Variants in PRKG1 observed in about 807,000 individuals in gnomAD.
PRKG1 encodes protein kinase cGMP-dependent 1.
In PRKG1, 35 loss-of-function variants were observed where a neutral mutation model predicts 88.1. The observed-to-expected ratio is 0.40, with a 90% confidence interval of 0.30 to 0.53. PRKG1 has a LOEUF of 0.53. PRKG1 is among the 20% of genes least tolerant of loss of function. The probability of loss-of-function intolerance (pLI) is 0.59; values close to 1 mark genes in which losing one functional copy is unlikely to be tolerated. For missense variants in PRKG1, 540 were observed against 839.8 expected (o/e 0.64, Z 4.41); for synonymous variants, 303 against 292.5 (o/e 1.04, Z -0.37).
At chr10:52,090,246 G>T (rs1589598085) in intron 7 of PRKG1, among the ~76,000 whole-genome samples, 1 of 151,974 alleles carries the variant, frequency 6.6e-6, no homozygotes, top group African/African-American at 2.4e-5. Flanking sequence ...AGGAAGGAAT[G>T]ATTTTTTTTT....
rs547722547 is a variant in PRKG1 at position 51,136,052 on chromosome 10, A to G, written c.312-17112A>G. The stretch of plus-strand genomic sequence containing the variant: ...TTAATGGGTGCAGCACACCAGCATG[A>G]CACATGTATACATATGTAACTAACC... On this transcript the variant is annotated intron_variant, in intron 1 of 17. Coordinates refer to ENST00000373980, the MANE Select transcript of PRKG1 (RefSeq NM_006258.4). Among the ~76,000 whole-genome samples the G allele has an allele frequency of 2.4e-3, 371 of 151,836 alleles. 3 individuals are homozygous for G. The highest frequency in any genetic ancestry group is 8.5e-3 in the African/African-American group (352 of 41,368).
intron 3 of PRKG1, among the ~76,000 whole-genome samples, chr10:51,615,407 T>C (rs2132252028): frequency 6.6e-6 from 1 of 152,300 alleles, no homozygotes; most frequent in South Asian, 2.1e-4. Context: ...TTTTCTATTA[T>C]TTGAGTAATT....
rs536906267 is a variant in PRKG1 at position 51,596,700 on chromosome 10, C to T, written c.592+128864C>T. ...GCTTTTTGGAACAGCGTTATCTCTT[C>T]GTTTTCTAAGTTGGAAATACCCTTT... On this transcript the variant is annotated intron_variant, in intron 3 of 17. Transcript: ENST00000373980. Among the ~76,000 whole-genome samples the T allele has an allele frequency of 1.9e-3, 296 of 152,192 alleles. 2 individuals are homozygous for T. Among genetic ancestry groups the T allele is most frequent in the African/African-American group, 6.8e-3 (284 of 41,542 alleles).
At chr10:51,625,464 G>A (rs1219915937) in intron 3 of PRKG1, among the ~76,000 whole-genome samples, 1 of 152,094 alleles carries the variant, frequency 6.6e-6, no homozygotes, top group Admixed American at 6.5e-5. Flanking sequence ...GTGACAGAGT[G>A]AGATTCTGTC....
At chr10:51,995,678 G>T (rs1844421595) in intron 5 of PRKG1, among the ~76,000 whole-genome samples, 1 of 152,106 alleles carries the variant, frequency 6.6e-6, no homozygotes, top group African/African-American at 2.4e-5. Flanking sequence ...CCAGGATCTG[G>T]TGGATTAGGT....
intron 2 of PRKG1, among the ~76,000 whole-genome samples, chr10:51,221,960 T>C (rs112619787): frequency 0.058 from 8,748 of 150,028 alleles, 813 homozygotes; most frequent in African/African-American, 0.2. Flanking sequence ...CTGTAACTTC[T>C]GTATCCCGGG....
chr10:51,018,492 C>T (rs1843096758), intron 1 of PRKG1, among the ~76,000 whole-genome samples: 1 of 152,118 alleles, frequency 6.6e-6, no homozygotes, highest in African/African-American at 2.4e-5. Flanking sequence ...GCTAATATTT[C>T]TCTAGAGGCC....
At chr10:51,915,004 G>A (rs940834813) in intron 5 of PRKG1, among the ~76,000 whole-genome samples, 6 of 152,150 alleles carry the variant, frequency 3.9e-5, no homozygotes, top group Admixed American at 6.5e-5. Context: ...ATACATTCCA[G>A]GGACCCTCTT....
At chr10:52,173,967 A>G (rs1213323795) in intron 9 of PRKG1, among the ~76,000 whole-genome samples, 1 of 152,084 alleles carries the variant, frequency 6.6e-6, no homozygotes, top group African/African-American at 2.4e-5. Context: ...TTTTTGTTGA[A>G]ATGACCCTGA....
At chr10:51,329,736 T>G (rs1841682716) in intron 2 of PRKG1, among the ~76,000 whole-genome samples, 1 of 152,140 alleles carries the variant, frequency 6.6e-6, no homozygotes, top group Admixed American at 6.5e-5. Flanking sequence ...TTTTTTTGTT[T>G]GTTTGTTTGT....
At chr10:51,522,152 G>A (rs925195369) in intron 3 of PRKG1, among the ~76,000 whole-genome samples, 1 of 152,030 alleles carries the variant, frequency 6.6e-6, no homozygotes, top group Non-Finnish European at 1.5e-5. Context: ...AGTAATTCCG[G>A]GAAATATTTA....
intron 1 of PRKG1, among the ~76,000 whole-genome samples, chr10:51,086,531 A>C (rs1324599982): frequency 6.6e-6 from 1 of 152,160 alleles, no homozygotes; most frequent in Non-Finnish European, 1.5e-5. Flanking sequence ...ACTTTTTTCC[A>C]AAAATTCTGA....
intron 10 of PRKG1, among the ~76,000 whole-genome samples, chr10:52,269,383 T>G (rs1236757014): frequency 6.6e-6 from 1 of 152,140 alleles, no homozygotes; most frequent in Non-Finnish European, 1.5e-5. Context: ...ACAGGGTCTT[T>G]GGCTGTTAAA....
At chr10:51,489,919 T>C (rs1840661402) in intron 3 of PRKG1, among the ~76,000 whole-genome samples, 1 of 152,194 alleles carries the variant, frequency 6.6e-6, no homozygotes, top group Non-Finnish European at 1.5e-5. Flanking sequence ...ATAGTTCAAC[T>C]GAATGTGGAC....
At chr10:51,503,362 T>C (rs1295734355) in intron 3 of PRKG1, among the ~76,000 whole-genome samples, 1 of 152,150 alleles carries the variant, frequency 6.6e-6, no homozygotes, top group Non-Finnish European at 1.5e-5. Flanking sequence ...AAGAGTTCAA[T>C]GAAATCCTAG....
chr10:52,113,017 G>A (rs890226341), intron 7 of PRKG1, among the ~76,000 whole-genome samples: 20 of 152,182 alleles, frequency 1.3e-4, no homozygotes, highest in African/African-American at 4.3e-4. Flanking sequence ...ATGGCCTTGG[G>A]GAAATTGCTT....
At chr10:51,425,592 C>A (rs1192081706) in intron 2 of PRKG1, among the ~76,000 whole-genome samples, 2 of 152,140 alleles carry the variant, frequency 1.3e-5, no homozygotes, top group Non-Finnish European at 2.9e-5. Flanking sequence ...AGCAGGGAGG[C>A]CTGGCTTGGG....
intron 3 of PRKG1, among the ~76,000 whole-genome samples, chr10:51,790,953 A>C (rs1051805771): frequency 6.6e-6 from 1 of 152,122 alleles, no homozygotes; most frequent in South Asian, 2.1e-4. Context: ...ACTTCCTATA[A>C]TGGAAAACTT....
intron 3 of PRKG1, among the ~76,000 whole-genome samples, chr10:51,647,678 CGTT>C (rs1467768426): frequency 1.3e-5 from 2 of 152,092 alleles, no homozygotes; most frequent in Non-Finnish European, 1.5e-5. Context: ...TAACCTTTCT[CGTT>C]GTTGATTTTT....
Sources: gnomAD v4.1 joint callset for allele counts (sites outside exome capture counted in the v4.1 genomes callset) on GRCh38, gnomAD v4.1.1 for gene constraint, MANE v1.5 for transcripts, NCBI Gene and HGNC (gene_info 2026-07-23, HGNC 2026-07-21) for gene names.